The following ZNF16 variants were observed in gnomAD, a reference collection of about 807,000 sequenced individuals.
ZNF16 encodes the protein zinc finger protein KOX9.
A neutral mutation model predicts 9.0 loss-of-function variants in ZNF16; 7 were observed. The observed-to-expected ratio is 0.78, with a 90% CI of 0.44 to 1.47. The LOEUF is 1.47. Ranked by LOEUF, ZNF16 falls within the 40% of genes most tolerant of loss-of-function variation. ZNF16 has a pLI of 0.01. For missense variants in ZNF16, 830 were observed against 854.2 expected (o/e 0.97, Z 0.35); for synonymous variants, 312 against 301.5 (o/e 1.03, Z -0.36).
intron 2 of ZNF16, among the ~76,000 whole-genome samples, chr8:144,938,714 A>G (rs886295944): frequency 2.6e-5 from 4 of 152,130 alleles, no homozygotes; most frequent in Admixed American, 2.6e-4. Context: ...ATTTTACTTC[A>G]TTTCCCAACT....
chr8:144,937,427 C>G (rs1231346902), intron 2 of ZNF16, among the ~76,000 whole-genome samples: 1 of 152,122 alleles, frequency 6.6e-6, no homozygotes, highest in Non-Finnish European at 1.5e-5. Context: ...AGCCACCACA[C>G]CTGGCTTCTT....
intron 1 of ZNF16, among the ~76,000 whole-genome samples, chr8:144,947,008 G>T (rs1833967878): frequency 8.7e-6 from 1 of 115,486 alleles, no homozygotes; most frequent in African/African-American, 3.7e-5. Context: ...GTCCTGCTGT[G>T]GGCCTGTATC....
chr8:144,932,330 G>A lies in ZNF16; in HGVS notation c.457C>T (p.Leu153=), dbSNP rs772187403. 12 of 1,614,170 alleles carry A rather than the reference G, an allele frequency of 7.4e-6. No individual in the cohort carries two copies. The highest frequency in any genetic ancestry group is 1.0e-5 in the Non-Finnish European group (12 of 1,180,040). Residue 153 remains leucine (L), a synonymous_variant, in exon 3 of 3, where the codon CTG becomes TTG. Coordinates refer to ENST00000394909, the MANE Select transcript of ZNF16 (RefSeq NM_006958.3). This position sits in a 1 kb window ranked among gnomAD's most constrained non-coding sequence, Gnocchi z 5.0. Reference sequence around the variant, plus strand: ...CGACTGTCAAAACCATTACAGTCCAGATCTTTCTCCCCTAAGGGGCCCCTA... The same window carrying A: ...CGACTGTCAAAACCATTACAGTCCAAATCTTTCTCCCCTAAGGGGCCCCTA... ...LLRGPLGEKD[L]DCNGFDSRFS... is the part of the protein sequence containing the mutation.
chr8:144,941,162 G>A (rs1285026863), intron 2 of ZNF16, among the ~76,000 whole-genome samples: 1 of 152,182 alleles, frequency 6.6e-6, no homozygotes, highest in Non-Finnish European at 1.5e-5. Flanking sequence ...ATTTTTCAAA[G>A]TGGAGTACTG....
chr8:144,946,544 A>ACCCTGCTGTGGGGCTGTGTC (rs1833935970), intron 1 of ZNF16, among the ~76,000 whole-genome samples: 8 of 110,000 alleles, frequency 7.3e-5, no homozygotes, highest in African/African-American at 3.2e-4. Context: ...GGGCCTGTGT[A>ACCCTGCTGTGGGGCTGTGTC]CTGCTGTGGG....
At chr8:144,938,982 T>A (rs1326424581) in intron 2 of ZNF16, among the ~76,000 whole-genome samples, 1 of 152,180 alleles carries the variant, frequency 6.6e-6, no homozygotes, top group East Asian at 1.9e-4. Flanking sequence ...TTTATTTGCA[T>A]AAATTGAGAT....
At chr8:144,938,797 T>C (rs1833739840) in intron 2 of ZNF16, among the ~76,000 whole-genome samples, 1 of 152,232 alleles carries the variant, frequency 6.6e-6, no homozygotes. Flanking sequence ...CAGAGTGGCA[T>C]GTTTGTCTTG....
rs191884840 is a variant in ZNF16, at chr8:144,950,421, G to A, written c.-10+376C>T. 3.9e-5 allele frequency: 6 copies of A among 152,332 alleles called. No homozygotes were observed. In the East Asian group the frequency reaches 7.7e-4, roughly 20 times the overall value. The allele number at this position is 152,332 out of a possible 1,614,324, so 9.4% of individuals were successfully genotyped here. On this transcript the variant is annotated intron_variant, in intron 1 of 2. Transcript: ENST00000394909. ...TCCCACCTGATGAGATATCCCACAG[G>A]TGTGGAAGGGCAGGCCACCCCTTCA...
intron 2 of ZNF16, among the ~76,000 whole-genome samples, chr8:144,936,177 T>C (rs910082104): frequency 3.3e-5 from 5 of 152,232 alleles, no homozygotes; most frequent in African/African-American, 1.2e-4. Flanking sequence ...AATTATATAG[T>C]ATGTGACCTT....
Position 144,931,324 on chromosome 8 carries a change from G to T in ZNF16, c.1463C>A (p.Pro488Gln), listed in dbSNP as rs113708793. Reference sequence around the variant, plus strand: ...CTTCCCACAGACACTGCATCTGTACGGCTTCTCTCCCGTGTGGATGATCTG... The same window carrying T: ...CTTCCCACAGACACTGCATCTGTACTGCTTCTCTCCCGTGTGGATGATCTG... ...KHQIIHTGEK[P>Q]YRCSVCGKAF... The change falls in exon 3 of 3, where the codon CCG becomes CAG. Residue 488 changes from proline (P) to glutamine (Q), a missense_variant. Physicochemically the swap from Pro to Gln is moderately conservative, Grantham distance 76. Transcript: ENST00000394909. 6.2e-7 allele frequency: 1 copy of T among 1,614,202 alleles called. No homozygotes were observed. Among genetic ancestry groups the T allele is most frequent in the Non-Finnish European group, 8.5e-7 (1 of 1,180,034 alleles).
chr8:144,931,236 G>A lies in ZNF16; in HGVS notation c.1551C>T (p.Tyr517=), dbSNP rs146224328. The change falls in exon 3 of 3, where the codon TAC becomes TAT. Residue 517 remains tyrosine (Y), a synonymous_variant. Transcript: ENST00000394909. ...HQGVHTGDKP[Y]ACHECGKTFG... ...AGGTCTTCCCACACTCGTGGCAGGCGTAGGGCTTGTCGCCTGTGTGCACGC... is the reference window on the plus strand; with the variant it reads ...AGGTCTTCCCACACTCGTGGCAGGCATAGGGCTTGTCGCCTGTGTGCACGC... 439 of 1,613,060 alleles carry A rather than the reference G, an allele frequency of 2.7e-4. No individual in the cohort carries two copies. The African/African-American group carries it at 3.9e-3, about 14-fold the overall frequency.
chr8:144,936,716 C>CTTATTTATTTATTTATTTAT (rs61163374), intron 2 of ZNF16, among the ~76,000 whole-genome samples: 11 of 151,148 alleles, frequency 7.3e-5, no homozygotes, highest in Middle Eastern at 3.4e-3. Context: ...TTCTTTGCCC[C>CTTATTTATTTATTTATTTAT]TTATTTATTT....
At chr8:144,950,128 G>A (rs564911400) in intron 1 of ZNF16, among the ~76,000 whole-genome samples, 291 of 152,196 alleles carry the variant, frequency 1.9e-3, no homozygotes, top group African/African-American at 6.5e-3. Context: ...TCTGGCCTAC[G>A]TGCCCATCCA....
intron 2 of ZNF16, among the ~76,000 whole-genome samples, chr8:144,936,835 C>G (rs925725040): frequency 6.6e-6 from 1 of 151,848 alleles, no homozygotes; most frequent in African/African-American, 2.4e-5. Context: ...GCTGGGATTA[C>G]AGGTGCATGC....
intron 1 of ZNF16, among the ~76,000 whole-genome samples, chr8:144,950,178 T>G (rs550713097): frequency 2.0e-4 from 31 of 152,258 alleles, no homozygotes; most frequent in Non-Finnish European, 2.8e-4. Flanking sequence ...TGGCACAGAT[T>G]CTTTTGCTCA....
Position 144,932,153 on chromosome 8 carries a change from T to A in ZNF16, c.634A>T (p.Asn212Tyr). Residue 212 changes from asparagine (N) to tyrosine (Y), a missense_variant, in exon 3 of 3, where the codon AAT becomes TAT. Physicochemically the swap from Asn to Tyr is moderately radical, Grantham distance 143. Transcript: ENST00000394909. This position sits in a 1 kb window ranked among gnomAD's most constrained non-coding sequence, Gnocchi z 5.0. ...CCTTGGAAGGTTTTCCCACACTCAT[T>A]ACATATGAGTGGACTTTCAGCTGTG... ...VPTAESPLIC[N>Y]ECGKTFQGNP... is the part of the protein sequence containing the mutation. 6.2e-7 allele frequency: 1 copy of A among 1,614,198 alleles called. No homozygotes were observed. Among genetic ancestry groups the A allele is most frequent in the Non-Finnish European group, 8.5e-7 (1 of 1,180,030 alleles).
intron 2 of ZNF16, among the ~76,000 whole-genome samples, chr8:144,939,275 T>C (rs1294344646): frequency 6.6e-6 from 1 of 152,178 alleles, no homozygotes; most frequent in East Asian, 1.9e-4. Flanking sequence ...TGCAAGAGTT[T>C]GCGAAGGTTT....
intron 2 of ZNF16, among the ~76,000 whole-genome samples, chr8:144,936,690 GA>G (rs1306052360): frequency 1.3e-5 from 2 of 151,904 alleles, no homozygotes; most frequent in South Asian, 2.1e-4. Flanking sequence ...TTTCTTTGGA[GA>G]AATGTTTATT....
intron 1 of ZNF16, chr8:144,950,535 G>A (rs535092626): frequency 3.3e-5 from 5 of 152,244 alleles, no homozygotes; most frequent in African/African-American, 7.2e-5. Flanking sequence ...GGCCCCTCGC[G>A]GCGACCTTAC....
Sources: allele counts gnomAD v4.1 joint callset (sites outside exome capture counted in the v4.1 genomes callset), GRCh38; gene constraint gnomAD v4.1.1; non-coding constraint Gnocchi (gnomAD v3.1); transcripts MANE v1.5; gene names NCBI Gene and HGNC (gene_info 2026-07-23, HGNC 2026-07-21).